PGPEP1L: variants seen among roughly 807,000 people sequenced by gnomAD.
The protein encoded by PGPEP1L is pyroglutamyl-peptidase 1-like protein.
In PGPEP1L, 7 loss-of-function variants were observed where a neutral mutation model predicts 6.0. The ratio of observed to expected loss-of-function variants is 1.17; its 90% CI spans 0.66 to 2.19. PGPEP1L has a LOEUF of 2.19. Among genes scored for constraint, PGPEP1L ranks in the 30% most tolerant of loss-of-function variants. PGPEP1L has a pLI of 0.00. For missense variants in PGPEP1L, 209 were observed against 192.5 expected, an observed-to-expected ratio of 1.09 and a Z score of -0.51; for synonymous variants, 103 against 83.9, an observed-to-expected ratio of 1.23 and a Z score of -1.24.
Position 98,981,358 on chromosome 15 carries a change from C to A in PGPEP1L, c.-141-10200G>T, listed in dbSNP as rs7166192. Among the ~76,000 whole-genome samples, 26 of 151,784 alleles carry A rather than the reference C, an allele frequency of 1.7e-4. 2 individuals are homozygous for A. The highest frequency in any genetic ancestry group is 6.3e-4 in the African/African-American group (26 of 41,356). On this transcript the variant is annotated intron_variant, in intron 2 of 4. Coordinates refer to ENST00000535714, the MANE Select transcript of PGPEP1L (RefSeq NM_001167902.2). ...ATACAAAGTTAGCCGGGCGTGCTGG[C>A]GGGCGCCTGTAGTCCCAGCTACTCG... is the stretch of plus-strand genomic sequence containing the variant.
At chr15:98,980,937 A>AG (rs2017649671) in intron 2 of PGPEP1L, among the ~76,000 whole-genome samples, 2 of 48,934 alleles carry the variant, frequency 4.1e-5, no homozygotes, top group South Asian at 1.3e-3. Context: ...CATCTGGAAA[A>AG]GGAAAAAAAA....
At chr15:98,985,043 G>A (rs547046242) in intron 2 of PGPEP1L, among the ~76,000 whole-genome samples, 32 of 152,150 alleles carry the variant, frequency 2.1e-4, no homozygotes, top group East Asian at 1.4e-3. Context: ...ACGGCCCTAT[G>A]GTGAGCAAGA....
rs1282645621 is a variant in PGPEP1L, at chr15:98,968,372, C to T, written c.*106G>A. ...TGTTGGGCTAATTCAGAGTTTTCCA[C>T]CCTCTTTGTCTTACAAGCAATTTTT... On this transcript the variant is annotated 3_prime_UTR_variant, in exon 5 of 5. Transcript: ENST00000535714. 2 of 1,147,868 alleles carry T rather than the reference C, an allele frequency of 1.7e-6. No individual in the cohort carries two copies. The highest frequency in any genetic ancestry group is 1.5e-5 in the African/African-American group (1 of 64,910). The allele number at this position is 1,147,868 out of a possible 1,614,324, so 71.1% of individuals were successfully genotyped here.
intron 2 of PGPEP1L, among the ~76,000 whole-genome samples, chr15:98,993,511 A>C (rs2151763481): frequency 6.6e-6 from 1 of 152,330 alleles, no homozygotes; most frequent in South Asian, 2.1e-4. Context: ...AGTGTAAACT[A>C]GTTCAACAAT....
chr15:98,978,987 C>G (rs2151757390), intron 2 of PGPEP1L, among the ~76,000 whole-genome samples: 1 of 151,878 alleles, frequency 6.6e-6, no homozygotes, highest in African/African-American at 2.4e-5. Flanking sequence ...CTTGGCCTCC[C>G]AAACTGCCGG....
chr15:98,998,873 G>A (rs144110911), intron 2 of PGPEP1L, among the ~76,000 whole-genome samples: 319 of 152,310 alleles, frequency 2.1e-3, no homozygotes, highest in African/African-American at 7.3e-3. Flanking sequence ...TACTAGGAAG[G>A]CTGAGGCAGG....
intron 1 of PGPEP1L, among the ~76,000 whole-genome samples, chr15:99,006,419 G>A (rs1433956919): frequency 2.0e-4 from 30 of 152,252 alleles, no homozygotes; most frequent in African/African-American, 7.0e-4. Flanking sequence ...TCTGCAGACA[G>A]TCCTCTTTTT....
intron 2 of PGPEP1L, among the ~76,000 whole-genome samples, chr15:98,976,798 T>A (rs1180343851): frequency 2.0e-5 from 3 of 152,170 alleles, no homozygotes; most frequent in Non-Finnish European, 4.4e-5. Flanking sequence ...AGTAAAGACA[T>A]GAAAATTTTA....
intron 2 of PGPEP1L, among the ~76,000 whole-genome samples, chr15:98,993,503 T>A (rs782382217): frequency 6.6e-6 from 1 of 152,006 alleles, no homozygotes; most frequent in Non-Finnish European, 1.5e-5. Context: ...TTGGTGGGAG[T>A]GTAAACTAGT....
At chr15:98,971,272 C>A (rs1382719321) in intron 2 of PGPEP1L, 114 bp from the exon 3 acceptor site, 3 of 1,359,306 alleles carry the variant, frequency 2.2e-6, no homozygotes, top group Non-Finnish European at 2.9e-6. Flanking sequence ...TCTTCCGCAG[C>A]CTGGACTTTG....
chr15:98,997,112 G>A (rs1346452541), intron 2 of PGPEP1L, among the ~76,000 whole-genome samples: 1 of 152,082 alleles, frequency 6.6e-6, no homozygotes, highest in African/African-American at 2.4e-5. Flanking sequence ...TCGAGGATTT[G>A]GCAAAAAAGG....
At chr15:98,982,700 C>CTTTTTTTTTTTTGTTTTTTTTTTTTTTT (rs2017683072) in intron 2 of PGPEP1L, among the ~76,000 whole-genome samples, 1 of 52,458 alleles carries the variant, frequency 1.9e-5, no homozygotes. Context: ...TTATCTGAGG[C>CTTTTTTTTTTTTGTTTTTTTTTTTTTTT]TTTTTTTTTT....
At chr15:99,000,247 G>T (rs1366910980) in intron 2 of PGPEP1L, among the ~76,000 whole-genome samples, 1 of 152,238 alleles carries the variant, frequency 6.6e-6, no homozygotes, top group Non-Finnish European at 1.5e-5. Context: ...TTCCTGCCGG[G>T]CAGGGCTCAG....
At chr15:98,970,587 G>T (rs1019010170) in intron 3 of PGPEP1L, among the ~76,000 whole-genome samples, 5 of 152,010 alleles carry the variant, frequency 3.3e-5, no homozygotes, top group African/African-American at 1.2e-4. Flanking sequence ...TTTTTATACA[G>T]TAATTATGTC....
chr15:98,971,290 G>A, intron 2 of PGPEP1L, 132 bp from the exon 3 acceptor site: 4 of 1,272,440 alleles, frequency 3.1e-6, no homozygotes, highest in Non-Finnish European at 4.2e-6. Flanking sequence ...TTGCCCTCAA[G>A]GAGCTCACAA....
chr15:98,998,976 AAAAC>A (rs113572962), intron 2 of PGPEP1L, among the ~76,000 whole-genome samples: 1 of 152,080 alleles, frequency 6.6e-6, no homozygotes, highest in Non-Finnish European at 1.5e-5. Flanking sequence ...CTGTTTCAGA[AAAAC>A]AAACAAAAAA....
intron 2 of PGPEP1L, among the ~76,000 whole-genome samples, chr15:98,989,330 G>T (rs2017789012): frequency 6.6e-6 from 1 of 152,118 alleles, no homozygotes. Context: ...AGAACTTCAA[G>T]AAGCATACAC....
chr15:98,970,948 A>G (rs889316449), intron 3 of PGPEP1L, 88 bp downstream of exon 3: 19 of 1,559,924 alleles, frequency 1.2e-5, no homozygotes, highest in Non-Finnish European at 1.6e-5. Context: ...CCCCTCAACC[A>G]TCAACCCTAG....
chr15:98,977,877 T>C (rs1289224619), intron 2 of PGPEP1L, among the ~76,000 whole-genome samples: 2 of 152,270 alleles, frequency 1.3e-5, no homozygotes, highest in East Asian at 3.8e-4. Flanking sequence ...TGTTTACATC[T>C]ATTATGTCTT....
Sources: allele counts gnomAD v4.1 joint callset (sites outside exome capture counted in the v4.1 genomes callset), GRCh38; gene constraint gnomAD v4.1.1; transcripts MANE v1.5; gene names NCBI Gene and HGNC (gene_info 2026-07-23, HGNC 2026-07-21).